Variants in PRKN observed in about 807,000 individuals in gnomAD.
The protein encoded by PRKN is E3 ubiquitin-protein ligase parkin.
In PRKN, 56 loss-of-function variants were observed where a neutral mutation model predicts 59.5. That is an observed-to-expected ratio of 0.94 (90% CI 0.76 to 1.18). The LOEUF (loss-of-function observed/expected upper bound fraction) is 1.18, where lower values mean the gene tolerates loss of function less well. Among genes scored for constraint, PRKN ranks in the 50% most tolerant of loss-of-function variants. The pLI is 0.00. For missense variants in PRKN, 657 were observed against 596.4 expected (o/e 1.10, Z -1.06); for synonymous variants, 250 against 222.1 (o/e 1.13, Z -1.12).
intron 4 of PRKN, among the ~76,000 whole-genome samples, chr6:162,104,070 T>A (rs758144015): frequency 1.4e-4 from 21 of 152,150 alleles, no homozygotes; most frequent in Non-Finnish European, 2.8e-4. Flanking sequence ...ATTAAGATCA[T>A]GGTCTGGGAA....
chr6:161,533,654 C>G lies in PRKN; in HGVS notation c.1083+15200G>C, dbSNP rs558794240. Among the ~76,000 whole-genome samples the G allele has an allele frequency of 6.6e-6, 1 of 152,320 alleles. No individual in the cohort carries two copies. Among genetic ancestry groups the G allele is most frequent in the East Asian group, 1.9e-4 (1 of 5,172 alleles). On this transcript the variant is annotated intron_variant, in intron 9 of 11. Coordinates refer to ENST00000366898, the MANE Select transcript of PRKN (RefSeq NM_004562.3). The surrounding 1 kb of genome is among the most constrained non-coding windows in gnomAD (Gnocchi z 4.1). ...ATCTGTGAGCCCTACGTAAATCAGACACTGCCTCCTCAAGCCTGCCTATAA... is the reference window on the plus strand; with the variant it reads ...ATCTGTGAGCCCTACGTAAATCAGAGACTGCCTCCTCAAGCCTGCCTATAA...
intron 1 of PRKN, among the ~76,000 whole-genome samples, chr6:162,659,613 A>G (rs1479650849): frequency 2.6e-5 from 4 of 152,114 alleles, no homozygotes; most frequent in East Asian, 3.9e-4. Flanking sequence ...TTTCCTTTAA[A>G]ATAAAATGGG....
At chr6:161,816,176 G>A (rs960589300) in intron 6 of PRKN, among the ~76,000 whole-genome samples, 3 of 152,126 alleles carry the variant, frequency 2.0e-5, no homozygotes, top group Non-Finnish European at 2.9e-5. Context: ...CAGTACCAAC[G>A]AGGAGGGAGC....
At chr6:161,366,982 C>CTTTTTTTTTTTTTTTTTTTTTT (rs57164972) in intron 10 of PRKN, among the ~76,000 whole-genome samples, 1 of 91,946 alleles carries the variant, frequency 1.1e-5, no homozygotes, top group African/African-American at 4.3e-5. Flanking sequence ...TTTTTGTTTC[C>CTTTTTTTTTTTTTTTTTTTTTT]TTTTTTTTTT....
chr6:161,639,261 C>T (rs1783649089), intron 7 of PRKN, among the ~76,000 whole-genome samples: 1 of 152,148 alleles, frequency 6.6e-6, no homozygotes, highest in South Asian at 2.1e-4. Context: ...ACCTAGTCTC[C>T]AAGTGCAGAG....
At chr6:161,431,213 G>T (rs1238709497) in intron 9 of PRKN, among the ~76,000 whole-genome samples, 2 of 151,608 alleles carry the variant, frequency 1.3e-5, no homozygotes, top group Non-Finnish European at 2.9e-5. Flanking sequence ...ATTATGATTA[G>T]CTAATCTCAA....
chr6:161,801,003 A>G (rs1297958622), intron 6 of PRKN, among the ~76,000 whole-genome samples: 1 of 152,148 alleles, frequency 6.6e-6, no homozygotes, highest in African/African-American at 2.4e-5. Flanking sequence ...AGGAGCTCCA[A>G]AAATAGTGGC....
intron 3 of PRKN, among the ~76,000 whole-genome samples, chr6:162,225,805 C>T (rs1442329177): frequency 2.6e-5 from 4 of 151,406 alleles, no homozygotes; most frequent in South Asian, 4.2e-4. Context: ...TATAAAAGGA[C>T]AATGTGGATT....
intron 2 of PRKN, among the ~76,000 whole-genome samples, chr6:162,415,238 C>T (rs373408225): frequency 1.3e-5 from 2 of 152,192 alleles, no homozygotes; most frequent in East Asian, 3.9e-4. Context: ...GGACTGGTAA[C>T]ACTAGAAACT....
At chr6:162,442,289 C>T (rs939491524) in intron 2 of PRKN, among the ~76,000 whole-genome samples, 3 of 152,136 alleles carry the variant, frequency 2.0e-5, no homozygotes, top group Non-Finnish European at 4.4e-5. Context: ...ACCCAGGAGC[C>T]CCCCTGCGCG....
chr6:162,632,657 A>G (rs577257359), intron 1 of PRKN, among the ~76,000 whole-genome samples: 24 of 152,264 alleles, frequency 1.6e-4, no homozygotes, highest in Middle Eastern at 3.4e-3. Context: ...AGCTAAAATT[A>G]AAAATATAAA....
chr6:162,545,825 C>T (rs575966669), intron 1 of PRKN, among the ~76,000 whole-genome samples: 145 of 152,088 alleles, frequency 9.5e-4, no homozygotes, highest in Non-Finnish European at 1.2e-3. Context: ...ATTTTCTCCT[C>T]CGAATTGGTA....
rs375964143 is a variant in PRKN at position 161,483,185 on chromosome 6, A to C, written c.1083+65669T>G. ...TAACAATTGTGTTTCAAAAAAAAAAAAAAAAACATGCATTGTTAATGAGAC... is the reference window on the plus strand; with the variant it reads ...TAACAATTGTGTTTCAAAAAAAAAACAAAAAACATGCATTGTTAATGAGAC... On this transcript the variant is annotated intron_variant, in intron 9 of 11. Transcript: ENST00000366898. This position sits in a 1 kb window ranked among gnomAD's most constrained non-coding sequence, Gnocchi z 5.0. Among the ~76,000 whole-genome samples, 10 of 152,242 alleles carry C rather than the reference A, an allele frequency of 6.6e-5. No homozygotes were observed. The highest frequency in any genetic ancestry group is 3.9e-4 in the East Asian group (2 of 5,176).
chr6:162,184,446 G>C (rs185254830), intron 4 of PRKN, among the ~76,000 whole-genome samples: 1 of 152,104 alleles, frequency 6.6e-6, no homozygotes, highest in Non-Finnish European at 1.5e-5. Flanking sequence ...TCATGTGGGC[G>C]ATTTCACCCA....
chr6:161,515,095 G>GT (rs1200732720), intron 9 of PRKN, among the ~76,000 whole-genome samples: 3 of 152,164 alleles, frequency 2.0e-5, no homozygotes, highest in African/African-American at 7.2e-5. Context: ...CTTCCAGGCT[G>GT]TTTTCTAAAT....
At chr6:162,202,324 C>T (rs971711001) in intron 3 of PRKN, among the ~76,000 whole-genome samples, 5 of 151,952 alleles carry the variant, frequency 3.3e-5, no homozygotes, top group Non-Finnish European at 7.4e-5. Context: ...GCTTCATTTC[C>T]CGAATTTACA....
chr6:161,570,758 G>A (rs982272945), intron 7 of PRKN, among the ~76,000 whole-genome samples: 3 of 152,134 alleles, frequency 2.0e-5, no homozygotes, highest in African/African-American at 7.2e-5. Context: ...AGTTTTGGGT[G>A]AGTCAAAAGT....
At chr6:161,519,897 A>C (rs526020) in intron 9 of PRKN, among the ~76,000 whole-genome samples, 2 of 152,028 alleles carry the variant, frequency 1.3e-5, no homozygotes, top group Non-Finnish European at 1.5e-5. Context: ...TTCAGTCTGA[A>C]ACCACCTCAA....
chr6:162,143,215 C>T (rs1781864230), intron 4 of PRKN, among the ~76,000 whole-genome samples: 1 of 152,192 alleles, frequency 6.6e-6, no homozygotes, highest in Non-Finnish European at 1.5e-5. Flanking sequence ...GTCTCCCTTG[C>T]AGCTAGAAGT....
Sources: allele counts gnomAD v4.1 joint callset (sites outside exome capture counted in the v4.1 genomes callset), GRCh38; gene constraint gnomAD v4.1.1; non-coding constraint Gnocchi (gnomAD v3.1); transcripts MANE v1.5; gene names NCBI Gene and HGNC (gene_info 2026-07-23, HGNC 2026-07-21).